The following RBFOX1 variants were observed in gnomAD, a reference collection of about 807,000 sequenced individuals.
The protein encoded by RBFOX1 is RNA binding fox-1 homolog 1, also known as RNA binding protein fox-1 homolog 1.
Under a neutral mutation model 57.7 loss-of-function variants are expected in RBFOX1, and 8 were observed. The ratio of observed to expected loss-of-function variants is 0.14; its 90% CI spans 0.08 to 0.25. The LOEUF (loss-of-function observed/expected upper bound fraction) is 0.25. RBFOX1 is among the 10% of genes least tolerant of loss of function. The pLI, the probability that RBFOX1 is intolerant of heterozygous loss-of-function variation, is 1.00. For synonymous variants in RBFOX1, 326 were observed against 222.4 expected, an observed-to-expected ratio of 1.47 and a Z score of -4.15; for missense variants, 611 against 548.5, an observed-to-expected ratio of 1.11 and a Z score of -1.14.
At chr16:5,509,469 C>G (rs549922202) in intron 2 of RBFOX1, among the ~76,000 whole-genome samples, 1 of 152,176 alleles carries the variant, frequency 6.6e-6, no homozygotes, top group Non-Finnish European at 1.5e-5. Flanking sequence ...CAATGACAAG[C>G]ACTGTGGCTG....
At chr16:6,920,825 T>C (rs2074298246) in intron 3 of RBFOX1, among the ~76,000 whole-genome samples, 2 of 152,218 alleles carry the variant, frequency 1.3e-5, no homozygotes, top group African/African-American at 2.4e-5. Context: ...GATGATTCCA[T>C]CTTGAGATCC....
chr16:6,732,588 C>G (rs563361310), intron 3 of RBFOX1, among the ~76,000 whole-genome samples: 1 of 152,202 alleles, frequency 6.6e-6, no homozygotes, highest in Non-Finnish European at 1.5e-5. Flanking sequence ...GATTAATGCA[C>G]GTAGTAGGTC....
chr16:6,635,115 G>T (rs2098421405), intron 2 of RBFOX1, among the ~76,000 whole-genome samples: 1 of 145,330 alleles, frequency 6.9e-6, no homozygotes, highest in Non-Finnish European at 1.5e-5. Context: ...AGTATTATAT[G>T]TAAGTATACA....
intron 3 of RBFOX1, among the ~76,000 whole-genome samples, chr16:5,816,245 T>A (rs994024672): frequency 6.6e-6 from 1 of 152,162 alleles, no homozygotes; most frequent in Non-Finnish European, 1.5e-5. Flanking sequence ...GAATACCTTC[T>A]CCCCTTGGCT....
chr16:6,874,903 A>G (rs574322677), intron 3 of RBFOX1, among the ~76,000 whole-genome samples: 9 of 152,290 alleles, frequency 5.9e-5, no homozygotes, highest in Admixed American at 1.3e-4. Flanking sequence ...CCACAAAACT[A>G]TTGAAATAAT....
chr16:6,960,806 G>T (rs117759539), intron 3 of RBFOX1, among the ~76,000 whole-genome samples: 69 of 151,936 alleles, frequency 4.5e-4, no homozygotes, highest in Non-Finnish European at 7.5e-4. Flanking sequence ...TTGGCCCAGG[G>T]TTGGGTACCT....
chr16:6,493,433 C>A (rs976091339), intron 2 of RBFOX1, among the ~76,000 whole-genome samples: 4 of 152,110 alleles, frequency 2.6e-5, no homozygotes, highest in South Asian at 2.1e-4. Flanking sequence ...TCCTTATCCT[C>A]CCAGCTGTGT....
At position 7,647,869 on chromosome 16, in the gene RBFOX1, T is replaced by C. The variant is rs147286398; in HGVS notation, c.758-5946T>C. Reference sequence around the variant, plus strand: ...TAAACTAGGATAGATGACATAACTCTCACTCAACAAAATATAAGTGCCATA... The same window carrying C: ...TAAACTAGGATAGATGACATAACTCCCACTCAACAAAATATAAGTGCCATA... On this transcript the variant is annotated intron_variant, in intron 11 of 15. Transcript: ENST00000550418. Among the ~76,000 whole-genome samples the C allele has an allele frequency of 1.2e-3, 183 of 152,298 alleles. 2 individuals are homozygous for C. The highest frequency in any genetic ancestry group is 4.2e-3 in the African/African-American group (174 of 41,568).
chr16:7,043,320 T>C (rs2046804429), intron 3 of RBFOX1, among the ~76,000 whole-genome samples: 1 of 152,098 alleles, frequency 6.6e-6, no homozygotes, highest in Non-Finnish European at 1.5e-5. Flanking sequence ...TATTCATCAC[T>C]CCTCCCCTGT....
chr16:7,069,326 C>A (rs181117602), intron 4 of RBFOX1, among the ~76,000 whole-genome samples: 76 of 152,272 alleles, frequency 5.0e-4, no homozygotes, highest in Middle Eastern at 3.4e-3. Context: ...CGTGCATTAG[C>A]TGTTTTCCCT....
intron 14 of RBFOX1, among the ~76,000 whole-genome samples, chr16:7,691,889 A>G (rs1482354047): frequency 6.6e-6 from 1 of 152,176 alleles, no homozygotes; most frequent in African/African-American, 2.4e-5. Context: ...ATTCTTGCTT[A>G]CGGTAGCATT....
chr16:7,710,581 G>T, intron 15 of RBFOX1, 42 bp from the exon 16 acceptor site: 2 of 1,607,498 alleles, frequency 1.2e-6, no homozygotes, highest in Non-Finnish European at 1.7e-6. Context: ...TGTTGCAAAA[G>T]GAAAATGTAA....
intron 1 of RBFOX1, among the ~76,000 whole-genome samples, chr16:5,265,794 C>A (rs765100643): frequency 6.6e-6 from 1 of 152,068 alleles, no homozygotes; most frequent in East Asian, 1.9e-4. Flanking sequence ...TTCTCCTGTT[C>A]GGGGGACTGT....
intron 4 of RBFOX1, among the ~76,000 whole-genome samples, chr16:7,340,187 A>G (rs1295320431): frequency 3.3e-5 from 5 of 152,190 alleles, no homozygotes; most frequent in African/African-American, 1.2e-4. Flanking sequence ...TCTTACCAAA[A>G]TGTGTTGGTG....
rs141509650 is a variant in RBFOX1 at position 7,354,052 on chromosome 16, A to G, written c.28-164095A>G. On this transcript the variant is annotated intron_variant, in intron 4 of 15. Transcript: ENST00000550418. ...AGTGGCATGATCTGGGCTCGCTGCA[A>G]CCTCTACCTCCCAGGTTCAAGCGAT... Among the ~76,000 whole-genome samples, 79 of 152,038 alleles carry G rather than the reference A, an allele frequency of 5.2e-4. No individual in the cohort carries two copies. The East Asian group carries it at 0.014, about 27-fold the overall frequency.
intron 1 of RBFOX1, among the ~76,000 whole-genome samples, chr16:6,172,119 C>G (rs1249512581): frequency 2.0e-5 from 3 of 152,114 alleles, no homozygotes; most frequent in Admixed American, 6.5e-5. Flanking sequence ...CCGAGCCCAG[C>G]TAGCTGTTTT....
At chr16:5,541,796 C>G (rs1326252530) in intron 2 of RBFOX1, among the ~76,000 whole-genome samples, 1 of 152,092 alleles carries the variant, frequency 6.6e-6, no homozygotes, top group Non-Finnish European at 1.5e-5. Flanking sequence ...TTAGCTAAAA[C>G]AAAATCGTAA....
intron 3 of RBFOX1, among the ~76,000 whole-genome samples, chr16:6,916,240 A>G (rs76615524): frequency 8.7e-4 from 132 of 152,302 alleles, no homozygotes; most frequent in African/African-American, 3.0e-3. Flanking sequence ...TCAGAAGTCA[A>G]TATGGCAGAT....
intron 3 of RBFOX1, among the ~76,000 whole-genome samples, chr16:5,652,338 A>G (rs1393284577): frequency 6.6e-6 from 1 of 152,206 alleles, no homozygotes; most frequent in African/African-American, 2.4e-5. Flanking sequence ...GTTAACTAAT[A>G]TGCCCAGAGA....
Sources: allele counts gnomAD v4.1 joint callset (sites outside exome capture counted in the v4.1 genomes callset), GRCh38; gene constraint gnomAD v4.1.1; transcripts MANE v1.5; gene names NCBI Gene and HGNC (gene_info 2026-07-23, HGNC 2026-07-21).